Variants in MTUS2 observed in about 807,000 individuals in gnomAD.
The protein encoded by MTUS2 is microtubule associated scaffold protein 2, also known as microtubule-associated tumor suppressor candidate 2.
A neutral mutation model predicts 114.1 loss-of-function variants in MTUS2; 40 were observed. The ratio of observed to expected loss-of-function variants is 0.35; its 90% confidence interval spans 0.27 to 0.46. MTUS2 has a LOEUF of 0.46. Ranked by LOEUF, MTUS2 falls within the 20% of genes least tolerant of loss-of-function variation. MTUS2 has a pLI of 1.00. For synonymous variants in MTUS2, 688 were observed against 672.0 expected, an observed-to-expected ratio of 1.02 and a Z score of -0.37; for missense variants, 1,679 against 1,705.4, an observed-to-expected ratio of 0.98 and a Z score of 0.27.
chr13:29,155,215 T>C (rs1024713634), intron 5 of MTUS2, among the ~76,000 whole-genome samples: 16 of 152,250 alleles, frequency 1.1e-4, no homozygotes, highest in Non-Finnish European at 8.8e-5. Flanking sequence ...GCGCTAAGCA[T>C]GCTTTCTCAG....
intron 4 of MTUS2, among the ~76,000 whole-genome samples, chr13:29,058,555 C>A (rs1888247710): frequency 7.8e-6 from 1 of 128,078 alleles, no homozygotes; most frequent in African/African-American, 2.9e-5. Context: ...CTTTTCTCAG[C>A]CAGGTTGATG....
chr13:28,962,573 A>C lies in MTUS2; in HGVS notation c.-242-61884A>C, dbSNP rs188398062. Among the ~76,000 whole-genome samples, 12 of 152,308 alleles carry C rather than the reference A, an allele frequency of 7.9e-5. No individual in the cohort carries two copies. In the East Asian group the frequency reaches 1.9e-3, roughly 24 times the overall value. On this transcript the variant is annotated intron_variant, in intron 2 of 15. Transcript: ENST00000612955. ...GTGGAAATGAAGTTTCTTTAAAAGA[A>C]AACAGAAAAGCCAGTTTCCTGTTTG...
intron 2 of MTUS2, among the ~76,000 whole-genome samples, chr13:28,897,667 G>T (rs1231492320): frequency 6.6e-6 from 1 of 152,088 alleles, no homozygotes; most frequent in Non-Finnish European, 1.5e-5. Context: ...GTCCAACAAT[G>T]ATAGACTGGA....
chr13:29,455,480 G>A lies in MTUS2; in HGVS notation c.3184+15431G>A, dbSNP rs77547394. ...TCTAGAACAAGTGTCTGTCTAGCGC[G>A]AAAGACAAATAAAACCATGTGTGAC... On this transcript the variant is annotated intron_variant, in intron 9 of 15. Coordinates refer to ENST00000612955, the MANE Select transcript of MTUS2 (RefSeq NM_001033602.4). Among the ~76,000 whole-genome samples the A allele has an allele frequency of 9.7e-4, 147 of 152,234 alleles. 5 individuals carry two copies. In the East Asian group the frequency reaches 0.025, roughly 26 times the overall value.
At chr13:29,334,559 C>T (rs903111846) in intron 7 of MTUS2, among the ~76,000 whole-genome samples, 14 of 152,168 alleles carry the variant, frequency 9.2e-5, no homozygotes, top group African/African-American at 3.4e-4. Flanking sequence ...AGTGTTTCTG[C>T]AGAGAGATCT....
rs7990026 is a variant in MTUS2 at position 28,998,169 on chromosome 13, T to A, written c.-242-26288T>A. Among the ~76,000 whole-genome samples, 533 of 152,264 alleles carry A rather than the reference T, an allele frequency of 3.5e-3. 3 individuals are homozygous for A. The highest frequency in any genetic ancestry group is 0.012 in the African/African-American group (496 of 41,554). On this transcript the variant is annotated intron_variant, in intron 2 of 15. Coordinates refer to ENST00000612955, the MANE Select transcript of MTUS2 (RefSeq NM_001033602.4). ...TTATGAAGCTTAGTTTGGCTGGATA[T>A]GAAATTCTGGGTTGAAAATTCTTTT...
chr13:29,241,541 C>T (rs1434710593), intron 5 of MTUS2, among the ~76,000 whole-genome samples: 1 of 152,120 alleles, frequency 6.6e-6, no homozygotes, highest in East Asian at 1.9e-4. Flanking sequence ...GCCGCCCTCC[C>T]CCAGGTGGAA....
intron 11 of MTUS2, among the ~76,000 whole-genome samples, chr13:29,488,807 T>C (rs1279727527): frequency 6.6e-6 from 1 of 152,254 alleles, no homozygotes; most frequent in East Asian, 1.9e-4. Context: ...TACATTTTTG[T>C]AACTTTGAAT....
intron 2 of MTUS2, among the ~76,000 whole-genome samples, chr13:28,910,255 C>T (rs956170608): frequency 6.6e-6 from 1 of 152,134 alleles, no homozygotes; most frequent in African/African-American, 2.4e-5. Context: ...ATTTTTAGCT[C>T]CCACAAATAA....
chr13:29,503,396 G>A lies in MTUS2; in HGVS notation c.*190G>A, dbSNP rs1207334197. The A allele has an allele frequency of 1.6e-6, 1 of 628,842 alleles. No homozygotes were observed. The highest frequency in any genetic ancestry group is 2.8e-6 in the Non-Finnish European group (1 of 362,588). 39.0% of individuals were successfully genotyped at this position (628,842 alleles called of 1,614,324 possible). A position where few individuals can be genotyped will look rare whatever the true frequency, so the allele number is the denominator to read the frequency against. ...GTCGGCACTTAGGAATGTGTAAATG[G>A]TAAAGTCTGATGTGCAAACGTTTTA... On this transcript the variant is annotated 3_prime_UTR_variant, in exon 16 of 16. Coordinates refer to ENST00000612955, the MANE Select transcript of MTUS2 (RefSeq NM_001033602.4).
chr13:29,329,895 T>G (rs1292687545), intron 7 of MTUS2, among the ~76,000 whole-genome samples: 1 of 152,178 alleles, frequency 6.6e-6, no homozygotes, highest in Non-Finnish European at 1.5e-5. Flanking sequence ...ATTACAGGCG[T>G]GAGCCACTGC....
chr13:28,850,469 C>T (rs1175961146), intron 2 of MTUS2, among the ~76,000 whole-genome samples: 1 of 152,230 alleles, frequency 6.6e-6, no homozygotes, highest in Non-Finnish European at 1.5e-5. Context: ...TCAGTCTCAC[C>T]AGGCACCCTC....
intron 2 of MTUS2, among the ~76,000 whole-genome samples, chr13:28,874,180 G>A (rs1877792956): frequency 6.6e-6 from 1 of 151,988 alleles, no homozygotes; most frequent in African/African-American, 2.4e-5. Flanking sequence ...ACCATGTCTG[G>A]CTAATTTTTG....
Position 29,339,095 on chromosome 13 carries a change from C to T in MTUS2, c.2905+14384C>T, listed in dbSNP as rs149620725. ...TAGGCTGGGCTGCAGGCTGGGTGTG[C>T]GCAGAGGTACATGGTCCTCCCGGGG... On this transcript the variant is annotated intron_variant, in intron 7 of 15. Coordinates refer to ENST00000612955, the MANE Select transcript of MTUS2 (RefSeq NM_001033602.4). Among the ~76,000 whole-genome samples the T allele has an allele frequency of 2.6e-3, 398 of 152,164 alleles. 6 individuals carry two copies. Among genetic ancestry groups the T allele is most frequent in the African/African-American group, 8.8e-3 (365 of 41,536 alleles).
chr13:29,242,726 C>T (rs922910889), intron 5 of MTUS2: 1 of 152,230 alleles, frequency 6.6e-6, no homozygotes, highest in Non-Finnish European at 1.5e-5. Context: ...AGTAAGATAT[C>T]ATCCCTGCCT....
rs150376482 is a variant in MTUS2 at position 28,940,638 on chromosome 13, T to C, written c.-242-83819T>C. ...CTGGAAACTGTAAGAGTATAAATATTCGAATATTAAAAAAAACAGAAATTG... is the reference window on the plus strand; with the variant it reads ...CTGGAAACTGTAAGAGTATAAATATCCGAATATTAAAAAAAACAGAAATTG... On this transcript the variant is annotated intron_variant, in intron 2 of 15. Coordinates refer to ENST00000612955, the MANE Select transcript of MTUS2 (RefSeq NM_001033602.4). Among the ~76,000 whole-genome samples the C allele has an allele frequency of 3.5e-3, 517 of 147,060 alleles. 3 individuals are homozygous for C. The highest frequency in any genetic ancestry group is 0.013 in the African/African-American group (499 of 37,528).
At position 29,281,278 on chromosome 13, in the gene MTUS2, TTC is replaced by T. The variant is rs749127579; in HGVS notation, c.2645-423_2645-422del. ...TACATGTGTATATTCCTATTCTCACTTCTCCTGGGTCACTCACGCTGTATTTC... is the reference window on the plus strand; with the variant it reads ...TACATGTGTATATTCCTATTCTCACTTCCTGGGTCACTCACGCTGTATTTC... On this transcript the variant is annotated intron_variant, in intron 5 of 15. Coordinates refer to ENST00000612955, the MANE Select transcript of MTUS2 (RefSeq NM_001033602.4). Among the ~76,000 whole-genome samples, 42 of 152,320 alleles carry T rather than the reference TTC, an allele frequency of 2.8e-4. 1 individual carries two copies. The highest frequency in any genetic ancestry group is 6.8e-3 in the Middle Eastern group (2 of 294).
chr13:29,036,892 C>T (rs1189139942), intron 4 of MTUS2, among the ~76,000 whole-genome samples: 1 of 150,786 alleles, frequency 6.6e-6, no homozygotes, highest in African/African-American at 2.4e-5. Flanking sequence ...TTATTTTGGG[C>T]CTATGTGTGT....
At chr13:29,160,366 A>T (rs1453465219) in intron 5 of MTUS2, among the ~76,000 whole-genome samples, 1 of 152,224 alleles carries the variant, frequency 6.6e-6, no homozygotes, top group Non-Finnish European at 1.5e-5. Flanking sequence ...GTGAGAATAC[A>T]GTATATAATA....
Sources: allele counts gnomAD v4.1 joint callset (sites outside exome capture counted in the v4.1 genomes callset), GRCh38; gene constraint gnomAD v4.1.1; transcripts MANE v1.5; gene names NCBI Gene and HGNC (gene_info 2026-07-23, HGNC 2026-07-21).